Variants in MBNL1 observed in about 807,000 individuals in gnomAD.
MBNL1 encodes muscleblind like splicing regulator 1, also known as muscleblind-like protein 1.
MBNL1 carries 8 observed loss-of-function variants against 42.2 expected under a neutral mutation model. The ratio of observed to expected loss-of-function variants is 0.19; its 90% CI spans 0.11 to 0.34. The LOEUF is 0.34. Among genes scored for constraint, MBNL1 ranks in the 10% least tolerant of loss-of-function variants. The probability of loss-of-function intolerance (pLI) is 1.00; values close to 1 mark genes in which losing one functional copy is unlikely to be tolerated. For missense variants in MBNL1, 309 were observed against 495.3 expected (o/e 0.62, Z 3.57); for synonymous variants, 169 against 173.9 (o/e 0.97, Z 0.22).
intron 2 of MBNL1, among the ~76,000 whole-genome samples, chr3:152,374,591 CT>C (rs1163630729): frequency 6.6e-6 from 1 of 152,152 alleles, no homozygotes; most frequent in African/African-American, 2.4e-5. Context: ...TCAAAGTAAG[CT>C]GACTGAAAAA....
chr3:152,244,862 GA>G (rs1199745344), intron 2 of MBNL1, among the ~76,000 whole-genome samples: 5 of 150,664 alleles, frequency 3.3e-5, no homozygotes, highest in Non-Finnish European at 7.4e-5. Context: ...GCACTTTCCA[GA>G]AAAAAAAGCA....
intron 2 of MBNL1, among the ~76,000 whole-genome samples, chr3:152,323,205 TA>T (rs1488138221): frequency 2.6e-5 from 4 of 152,170 alleles, no homozygotes; most frequent in African/African-American, 9.6e-5. Context: ...CATTGGACAT[TA>T]TTTTTAAATG....
intron 2 of MBNL1, among the ~76,000 whole-genome samples, chr3:152,379,806 G>A (rs1486379926): frequency 6.6e-6 from 1 of 152,006 alleles, no homozygotes; most frequent in East Asian, 1.9e-4. Flanking sequence ...GATGAACAAT[G>A]AGTCAGAAGA....
intron 2 of MBNL1, among the ~76,000 whole-genome samples, chr3:152,394,677 T>C (rs1175150927): frequency 6.6e-6 from 1 of 152,108 alleles, no homozygotes; most frequent in Non-Finnish European, 1.5e-5. Flanking sequence ...AATTAGTTGA[T>C]AAATAAACAC....
intron 1 of MBNL1, among the ~76,000 whole-genome samples, chr3:152,290,613 T>C (rs944746769): frequency 6.6e-6 from 1 of 152,134 alleles, no homozygotes; most frequent in African/African-American, 2.4e-5. Flanking sequence ...TTGCTACCAT[T>C]ATTTAAGCAG....
At chr3:152,459,369 G>C in intron 9 of MBNL1, 24 bp downstream of exon 9, 1 of 1,355,672 alleles carries the variant, frequency 7.4e-7, no homozygotes, top group East Asian at 2.5e-5. Context: ...GTAATATATA[G>C]TTGCATATTT....
intron 2 of MBNL1, among the ~76,000 whole-genome samples, chr3:152,350,032 GA>G (rs1326858621): frequency 6.6e-6 from 1 of 152,086 alleles, no homozygotes; most frequent in East Asian, 1.9e-4. Context: ...GCTGTGATAG[GA>G]AGAAAATACC....
intron 2 of MBNL1, among the ~76,000 whole-genome samples, chr3:152,372,795 G>A (rs932916453): frequency 1.3e-5 from 2 of 152,216 alleles, no homozygotes; most frequent in African/African-American, 2.4e-5. Context: ...ACTTGAGGAG[G>A]CAGTCTGTCC....
chr3:152,435,329 TG>T (rs2099063815), intron 4 of MBNL1, among the ~76,000 whole-genome samples: 1 of 152,190 alleles, frequency 6.6e-6, no homozygotes, highest in Non-Finnish European at 1.5e-5. Flanking sequence ...TTGTCAACTT[TG>T]TTGGAGATCA....
chr3:152,428,738 A>G (rs2153732857), intron 3 of MBNL1, among the ~76,000 whole-genome samples: 1 of 152,336 alleles, frequency 6.6e-6, no homozygotes, highest in Non-Finnish European at 1.5e-5. Context: ...AGGAGTGGCC[A>G]GGGCATTCAC....
At chr3:152,245,205 C>G (rs558201802) in intron 2 of MBNL1, among the ~76,000 whole-genome samples, 1 of 152,054 alleles carries the variant, frequency 6.6e-6, no homozygotes. Context: ...ATCCTAGAAA[C>G]TTTTATTCAA....
chr3:152,389,902 GT>G (rs1158887812), intron 2 of MBNL1, among the ~76,000 whole-genome samples: 1 of 151,776 alleles, frequency 6.6e-6, no homozygotes, highest in Non-Finnish European at 1.5e-5. Context: ...TTGAGATGGA[GT>G]CTCGCTCTGT....
At chr3:152,428,163 G>GTA (rs1208979619) in intron 3 of MBNL1, among the ~76,000 whole-genome samples, 15 of 152,138 alleles carry the variant, frequency 9.9e-5, no homozygotes, top group African/African-American at 3.6e-4. Context: ...TCACATTCAA[G>GTA]TATATATTCT....
At chr3:152,336,310 G>A (rs2090135122) in intron 2 of MBNL1, among the ~76,000 whole-genome samples, 1 of 151,828 alleles carries the variant, frequency 6.6e-6, no homozygotes, top group South Asian at 2.1e-4. Flanking sequence ...TTCACCAATG[G>A]GATTAAGAGC....
intron 6 of MBNL1, among the ~76,000 whole-genome samples, chr3:152,451,921 G>T (rs1437361407): frequency 6.6e-6 from 1 of 152,076 alleles, no homozygotes; most frequent in Non-Finnish European, 1.5e-5. Flanking sequence ...CAAGTTAAAT[G>T]GCTTTTGTAA....
chr3:152,250,940 A>G (rs184435521), intron 2 of MBNL1, among the ~76,000 whole-genome samples: 167 of 152,218 alleles, frequency 1.1e-3, no homozygotes, highest in African/African-American at 3.9e-3. Flanking sequence ...AAAATCCTCA[A>G]TAAAATACTC....
At chr3:152,459,453 A>G in intron 9 of MBNL1, 108 bp downstream of exon 9, 1 of 449,896 alleles carries the variant, frequency 2.2e-6, no homozygotes, top group Non-Finnish European at 4.0e-6. Context: ...AAATATATAC[A>G]GATCACATTT....
At chr3:152,441,498 C>G (rs2099145207) in intron 4 of MBNL1, among the ~76,000 whole-genome samples, 1 of 152,096 alleles carries the variant, frequency 6.6e-6, no homozygotes, top group Non-Finnish European at 1.5e-5. Flanking sequence ...ACTCCAAACC[C>G]TATTGTCTGT....
chr3:152,290,245 C>G (rs916895793), intron 1 of MBNL1, among the ~76,000 whole-genome samples: 2 of 151,840 alleles, frequency 1.3e-5, no homozygotes, highest in African/African-American at 4.8e-5. Flanking sequence ...AAATTCTGAA[C>G]AGTGTGGCAA....
Sources: gnomAD v4.1 joint callset for allele counts (sites outside exome capture counted in the v4.1 genomes callset) on GRCh38, gnomAD v4.1.1 for gene constraint, MANE v1.5 for transcripts, NCBI Gene and HGNC (gene_info 2026-07-23, HGNC 2026-07-21) for gene names.